The following LOXL2 variants were observed in gnomAD, a reference collection of about 807,000 sequenced individuals.
LOXL2 encodes the protein lysyl oxidase like 2.
A neutral mutation model predicts 93.0 loss-of-function variants in LOXL2; 70 were observed. The ratio of observed to expected loss-of-function variants is 0.75; its 90% CI spans 0.62 to 0.92. LOXL2 has a LOEUF of 0.92. Ranked by LOEUF, LOXL2 falls within the 40% of genes least tolerant of loss-of-function variation. The probability of loss-of-function intolerance (pLI) is 0.00; values close to 1 mark genes in which losing one functional copy is unlikely to be tolerated. For synonymous variants in LOXL2, 438 were observed against 413.2 expected, an observed-to-expected ratio of 1.06 and a Z score of -0.73; for missense variants, 973 against 1,054.9, an observed-to-expected ratio of 0.92 and a Z score of 1.08.
At chr8:23,332,347 C>A (rs1259468543) in intron 5 of LOXL2, among the ~76,000 whole-genome samples, 1 of 122,118 alleles carries the variant, frequency 8.2e-6, no homozygotes, top group African/African-American at 3.1e-5. Context: ...ACATACACCC[C>A]CACACTCATA....
chr8:23,377,807 T>A (rs1804617742), intron 1 of LOXL2, among the ~76,000 whole-genome samples: 2 of 152,282 alleles, frequency 1.3e-5, no homozygotes, highest in Admixed American at 1.3e-4. Flanking sequence ...TTTTCCTCCA[T>A]CCCTTTATTG....
rs1404686007 is a variant in LOXL2, at chr8:23,387,263, T to A, written c.-84+16691A>T. Among the ~76,000 whole-genome samples, 17 of 152,340 alleles carry A rather than the reference T, an allele frequency of 1.1e-4. No individual in the cohort carries two copies. The East Asian group carries it at 3.3e-3, about 29-fold the overall frequency. ...TTCAAGGTTACAACATTCACACAGA[T>A]GATTCTAGTATAAGCTTTGCCAACA... On this transcript the variant is annotated intron_variant, in intron 1 of 13. Transcript: ENST00000389131.
rs758337567 is a variant in LOXL2, at chr8:23,302,176, T to A, written c.1997-13A>T. 6.2e-7 allele frequency: 1 copy of A among 1,613,806 alleles called. No individual in the cohort carries two copies. The highest frequency in any genetic ancestry group is 1.1e-5 in the South Asian group (1 of 91,070). ...TTCTTCTGGATGTCTGCGGGCAGGG[T>A]AGAGGAGAGCTCATCACCAGGGAAC... On this transcript the variant is annotated splice_polypyrimidine_tract_variant and intron_variant, in intron 11 of 13. Transcript: ENST00000389131.
chr8:23,340,732 T>G (rs1033232501), intron 4 of LOXL2, among the ~76,000 whole-genome samples: 1 of 152,182 alleles, frequency 6.6e-6, no homozygotes, highest in Non-Finnish European at 1.5e-5. Flanking sequence ...ACTTCTGCAA[T>G]ACGCCTTCCC....
chr8:23,360,357 T>TCTC, intron 2 of LOXL2, 92 bp from the exon 3 acceptor site: 1 of 949,834 alleles, frequency 1.1e-6, no homozygotes, highest in South Asian at 1.7e-5. Flanking sequence ...GAAAGAGAAT[T>TCTC]TTTCTCTAAT....
intron 10 of LOXL2, among the ~76,000 whole-genome samples, chr8:23,305,905 G>A (rs1026607376): frequency 2.6e-5 from 4 of 151,756 alleles, no homozygotes; most frequent in Admixed American, 6.6e-5. Flanking sequence ...TCTGTCTCCC[G>A]GGTTCAAGCA....
At chr8:23,306,702 C>T (rs893318507) in intron 10 of LOXL2, among the ~76,000 whole-genome samples, 3 of 152,276 alleles carry the variant, frequency 2.0e-5, no homozygotes, top group Admixed American at 6.5e-5. Context: ...GGAGCCCACA[C>T]GCCCTGCTTC....
At position 23,397,960 on chromosome 8, in the gene LOXL2, CAAA is replaced by C. The variant is rs11295140; in HGVS notation, c.-84+5991_-84+5993del. Among the ~76,000 whole-genome samples the C allele has an allele frequency of 2.0e-4, 18 of 90,986 alleles. No individual in the cohort carries two copies. In the South Asian group the frequency reaches 4.5e-3, roughly 23 times the overall value. The allele number at this position is 90,986 out of a possible 152,430, so 59.7% of individuals were successfully genotyped here. A position where few individuals can be genotyped will look rare whatever the true frequency, so the allele number is the denominator to read the frequency against. On this transcript the variant is annotated intron_variant, in intron 1 of 13. Transcript: ENST00000389131. ...TGGGTGACAGAGTAAGACTCTGTCT[CAAA>C]AAAAAAAAAAAAAAAAAAAAAAGAA...
In LOXL2 at chr8:23,328,498, C is replaced by T. The variant is rs1803623160; in HGVS notation, c.1034G>A (p.Gly345Glu). ...GTCGTCGCAGACGGTCCCCCATTCT[C>T]CATTTTTGAGCACCTCCACGCGGCC... ...GEGRVEVLKN[G>E]EWGTVCDDKW... The change falls in exon 6 of 14, where the codon GGA becomes GAA. Residue 345 changes from glycine to glutamate, a missense_variant. Transcript: ENST00000389131. 2 of 1,614,038 alleles carry T rather than the reference C, an allele frequency of 1.2e-6. No homozygotes were observed. Among genetic ancestry groups the T allele is most frequent in the Non-Finnish European group, 1.7e-6 (2 of 1,180,052 alleles).
chr8:23,320,033 C>T lies in LOXL2; in HGVS notation c.1322G>A (p.Arg441His), dbSNP rs748831417. Reference sequence around the variant, plus strand: ...CTCCACTCGGCCCTCGTAGGGATTGCGGCCGCCGTTCAGGCGCAGCTGCAG... The same window carrying T: ...CTCCACTCGGCCCTCGTAGGGATTGTGGCCGCCGTTCAGGCGCAGCTGCAG... ...LQKKLRLNGGRNPYEGRVEVL... is the reference protein window; with the variant it reads ...LQKKLRLNGGHNPYEGRVEVL... The change falls in exon 8 of 14, where the codon CGC becomes CAC. Residue 441 changes from arginine to histidine, a missense_variant. By Grantham distance (29) the Arg-to-His change is conservative. Transcript: ENST00000389131. 11 of 1,613,820 alleles carry T rather than the reference C, an allele frequency of 6.8e-6. No homozygotes were observed. In the East Asian group the frequency reaches 8.9e-5, roughly 13 times the overall value.
At chr8:23,383,193 A>C (rs1804704304) in intron 1 of LOXL2, among the ~76,000 whole-genome samples, 1 of 152,128 alleles carries the variant, frequency 6.6e-6, no homozygotes, top group Non-Finnish European at 1.5e-5. Flanking sequence ...TACTGGCGCC[A>C]GGGCTTCCCT....
intron 3 of LOXL2, among the ~76,000 whole-genome samples, chr8:23,357,278 C>T (rs1313358706): frequency 6.6e-6 from 1 of 152,106 alleles, no homozygotes; most frequent in Non-Finnish European, 1.5e-5. Flanking sequence ...CCATCTTGGC[C>T]AGGCTGGTCT....
rs2117157656 is a variant in LOXL2 at position 23,319,857 on chromosome 8, T to C, written c.1470+28A>G. On this transcript the variant is annotated intron_variant, in intron 8 of 13. Transcript: ENST00000389131. ...GTGGTCAGACTGCATGGGGGGTGAA[T>C]GCGGGGTCTGAGGCCGGGGCTTCTC... is the stretch of plus-strand genomic sequence containing the variant. 2.5e-6 allele frequency: 4 copies of C among 1,607,408 alleles called. No individual in the cohort carries two copies. The East Asian group carries it at 8.9e-5, about 36-fold the overall frequency.
At chr8:23,380,742 AGTGGT>A (rs769645224) in intron 1 of LOXL2, among the ~76,000 whole-genome samples, 4 of 152,182 alleles carry the variant, frequency 2.6e-5, no homozygotes, top group Non-Finnish European at 5.9e-5. Flanking sequence ...GGCTGGGCAC[AGTGGT>A]TCAAGCCTGT....
chr8:23,357,664 C>T (rs1804222342), intron 3 of LOXL2, among the ~76,000 whole-genome samples: 1 of 150,982 alleles, frequency 6.6e-6, no homozygotes, highest in Admixed American at 6.6e-5. Context: ...TTTTTCAAGC[C>T]ATCAATGATC....
chr8:23,388,622 C>G (rs1398357781), intron 1 of LOXL2, among the ~76,000 whole-genome samples: 7 of 52,884 alleles, frequency 1.3e-4, no homozygotes, highest in Admixed American at 4.8e-4. Flanking sequence ...AAAAAATATA[C>G]TCACACACAC....
At chr8:23,388,228 G>A (rs1423585301) in intron 1 of LOXL2, among the ~76,000 whole-genome samples, 1 of 152,152 alleles carries the variant, frequency 6.6e-6, no homozygotes, top group Non-Finnish European at 1.5e-5. Flanking sequence ...TTGGGGAACT[G>A]TGAGCTGCCA....
intron 2 of LOXL2, among the ~76,000 whole-genome samples, chr8:23,362,475 G>A (rs572431129): frequency 1.3e-4 from 20 of 152,338 alleles, no homozygotes; most frequent in Admixed American, 2.6e-4. Flanking sequence ...GTTCATGCCT[G>A]TAATCTCAAC....
At chr8:23,328,965 G>T (rs1240009606) in intron 5 of LOXL2, 1 of 181,648 alleles carries the variant, frequency 5.5e-6, no homozygotes, top group African/African-American at 2.4e-5. Context: ...ACAGAAAGAA[G>T]CGCCTACCCT....
Sources: allele counts gnomAD v4.1 joint callset (sites outside exome capture counted in the v4.1 genomes callset), GRCh38; gene constraint gnomAD v4.1.1; transcripts MANE v1.5; gene names NCBI Gene and HGNC (gene_info 2026-07-23, HGNC 2026-07-21).